Variants in ROCK1 observed in about 807,000 individuals in gnomAD.
ROCK1 encodes Rho associated coiled-coil containing protein kinase 1, also known as rho-associated protein kinase 1.
ROCK1 carries 36 observed loss-of-function variants against 196.8 expected under a neutral mutation model. The ratio of observed to expected loss-of-function variants is 0.18; its 90% confidence interval spans 0.14 to 0.24. The LOEUF (loss-of-function observed/expected upper bound fraction) is 0.24. ROCK1 is among the 10% of genes least tolerant of loss of function. ROCK1 has a pLI of 1.00. For synonymous variants in ROCK1, 443 were observed against 515.9 expected (o/e 0.86, Z 1.91); for missense variants, 920 against 1,562.0 (o/e 0.59, Z 6.93).
At chr18:20,995,945 G>A (rs774966649) in intron 16 of ROCK1, among the ~76,000 whole-genome samples, 1 of 151,962 alleles carries the variant, frequency 6.6e-6, no homozygotes, top group Non-Finnish European at 1.5e-5. Flanking sequence ...AAAATGACAG[G>A]TACAAACAAG....
In ROCK1 at chr18:21,053,893, T is replaced by C. The variant is rs150854297; in HGVS notation, c.176-4013A>G. ...CTCTTCTTGCTTTGACACATGCGTA[T>C]GTACTGGTAATAGAAAACAAATAAA... On this transcript the variant is annotated intron_variant, in intron 2 of 32. Transcript: ENST00000399799. Among the ~76,000 whole-genome samples the C allele has an allele frequency of 3.4e-3, 521 of 152,316 alleles. 2 individuals carry two copies. The highest frequency in any genetic ancestry group is 0.012 in the African/African-American group (503 of 41,568).
rs535610593 is a variant in ROCK1, at chr18:20,970,050, A to G, written c.2820+298T>C. ...TATTAAGAGAACAACAAATGAATTT[A>G]AGCTAAGCCATTACTTCATATGAAA... is the stretch of plus-strand genomic sequence containing the variant. On this transcript the variant is annotated intron_variant, in intron 23 of 32. Coordinates refer to ENST00000399799, the MANE Select transcript of ROCK1 (RefSeq NM_005406.3). The G allele has an allele frequency of 4.4e-5, 9 of 205,874 alleles. No homozygotes were observed. In the South Asian group the frequency reaches 1.5e-3, roughly 34 times the overall value. 12.8% of individuals were successfully genotyped at this position (205,874 alleles called of 1,614,324 possible). A position where few individuals can be genotyped will look rare whatever the true frequency, so the allele number is the denominator to read the frequency against.
intron 9 of ROCK1, among the ~76,000 whole-genome samples, chr18:21,034,749 T>C (rs777132928): frequency 3.3e-5 from 5 of 152,140 alleles, no homozygotes; most frequent in Non-Finnish European, 7.4e-5. Flanking sequence ...ATTTCTTAAA[T>C]ACGAAGCCAA....
Position 21,105,930 on chromosome 18 carries a change from T to C in ROCK1, c.93+4888A>G, listed in dbSNP as rs559041727. ...ATTGAGGAAAAGAAAAAAAGAAGAA[T>C]GAAAAGATGGGAAAGCACTAGGTCA... On this transcript the variant is annotated intron_variant, in intron 1 of 32. Transcript: ENST00000399799. Among the ~76,000 whole-genome samples the C allele has an allele frequency of 6.6e-5, 10 of 152,008 alleles. No homozygotes were observed. The South Asian group carries it at 2.1e-3, about 32-fold the overall frequency.
intron 1 of ROCK1, among the ~76,000 whole-genome samples, chr18:21,076,001 G>A (rs1167703407): frequency 1.3e-5 from 2 of 150,210 alleles, no homozygotes; most frequent in Non-Finnish European, 3.0e-5. Context: ...GAGCAAAAAT[G>A]GTGGAGGAGG....
At chr18:21,101,182 G>C (rs1219894670) in intron 1 of ROCK1, among the ~76,000 whole-genome samples, 1 of 152,202 alleles carries the variant, frequency 6.6e-6, no homozygotes, top group African/African-American at 2.4e-5. Context: ...ACTCTTAACA[G>C]AGGAATTACA....
intron 1 of ROCK1, among the ~76,000 whole-genome samples, chr18:21,096,450 C>A (rs1448826610): frequency 6.6e-6 from 1 of 152,284 alleles, no homozygotes; most frequent in East Asian, 1.9e-4. Flanking sequence ...ATCTGCCTGC[C>A]TCAGCCTCCC....
At chr18:21,067,957 C>T (rs1337425334) in intron 2 of ROCK1, among the ~76,000 whole-genome samples, 1 of 152,190 alleles carries the variant, frequency 6.6e-6, no homozygotes, top group Non-Finnish European at 1.5e-5. Context: ...CTGAACACCA[C>T]TGGTTGAAAG....
At chr18:21,079,500 G>A (rs2143567116) in intron 1 of ROCK1, among the ~76,000 whole-genome samples, 2 of 152,300 alleles carry the variant, frequency 1.3e-5, no homozygotes, top group Middle Eastern at 6.8e-3. Flanking sequence ...GTCCTGCAAT[G>A]AGAAGGGAAC....
At position 20,959,086 on chromosome 18, in the gene ROCK1, T is replaced by TATATATATTTTATA. The variant is rs1568367368; in HGVS notation, c.3512+753_3512+754insTATAAAATATATAT. Among the ~76,000 whole-genome samples the TATATATATTTTATA allele has an allele frequency of 1.0e-4, 3 of 29,766 alleles. 1 individual carries two copies. Among genetic ancestry groups the TATATATATTTTATA allele is most frequent in the African/African-American group, 7.5e-4 (3 of 3,982 alleles). The allele number at this position is 29,766 out of a possible 152,430, so 19.5% of individuals were successfully genotyped here. On this transcript the variant is annotated intron_variant, in intron 29 of 32. Coordinates refer to ENST00000399799, the MANE Select transcript of ROCK1 (RefSeq NM_005406.3). The stretch of plus-strand genomic sequence containing the variant: ...ATTTTATATTATATAATATATATAT[T>TATATATATTTTATA]TTATATAATATATATATTATATATA...
intron 2 of ROCK1, among the ~76,000 whole-genome samples, chr18:21,056,047 T>G (rs2036242523): frequency 6.6e-6 from 1 of 152,204 alleles, no homozygotes; most frequent in South Asian, 2.1e-4. Flanking sequence ...CTGAAGATTT[T>G]ACTTTTCAAC....
At chr18:21,068,151 A>G (rs1464615751) in intron 2 of ROCK1, among the ~76,000 whole-genome samples, 1 of 152,208 alleles carries the variant, frequency 6.6e-6, no homozygotes, top group Non-Finnish European at 1.5e-5. Flanking sequence ...GCCTAAGGAA[A>G]GTGGCAAATA....
intron 19 of ROCK1, among the ~76,000 whole-genome samples, chr18:20,986,003 C>T (rs1303665747): frequency 3.9e-5 from 6 of 152,082 alleles, no homozygotes; most frequent in African/African-American, 1.4e-4. Flanking sequence ...GAACTATAGG[C>T]ATGCGACACC....
chr18:21,109,185 T>G (rs570911461), intron 1 of ROCK1, among the ~76,000 whole-genome samples: 5 of 152,322 alleles, frequency 3.3e-5, no homozygotes, highest in African/African-American at 9.6e-5. Context: ...GTGTTTAGCT[T>G]TGTTTCTGTG....
At chr18:20,952,422 T>TGAAC (rs2143314652) in intron 32 of ROCK1, among the ~76,000 whole-genome samples, 1 of 151,636 alleles carries the variant, frequency 6.6e-6, no homozygotes, top group African/African-American at 2.4e-5. Context: ...AATGAATGAA[T>TGAAC]GGTTATGCCT....
At chr18:21,058,310 A>C (rs2036261180) in intron 2 of ROCK1, among the ~76,000 whole-genome samples, 1 of 152,168 alleles carries the variant, frequency 6.6e-6, no homozygotes. Context: ...TGCCTACCCT[A>C]AGATCCTAGA....
intron 18 of ROCK1, among the ~76,000 whole-genome samples, 188 bp downstream of exon 18, chr18:20,990,988 G>A (rs150051711): frequency 0.022 from 3,404 of 152,068 alleles, 136 homozygotes; most frequent in African/African-American, 0.078. Context: ...TCAAACTCCC[G>A]GCCTCAAGTG....
At chr18:21,053,070 T>C (rs2036217304) in intron 2 of ROCK1, among the ~76,000 whole-genome samples, 1 of 152,130 alleles carries the variant, frequency 6.6e-6, no homozygotes, top group Non-Finnish European at 1.5e-5. Flanking sequence ...CAACTCAAAA[T>C]TGGTTATTTT....
chr18:20,957,156 T>C (rs1262201927), intron 29 of ROCK1, among the ~76,000 whole-genome samples: 2 of 152,212 alleles, frequency 1.3e-5, no homozygotes, highest in East Asian at 1.9e-4. Flanking sequence ...AGGATTCCAA[T>C]CCTGGGTATT....
Sources: allele counts gnomAD v4.1 joint callset (sites outside exome capture counted in the v4.1 genomes callset), GRCh38; gene constraint gnomAD v4.1.1; transcripts MANE v1.5; gene names NCBI Gene and HGNC (gene_info 2026-07-23, HGNC 2026-07-21).